Variants in CHRM2 observed in about 807,000 individuals in gnomAD.
CHRM2 encodes muscarinic acetylcholine receptor M2.
CHRM2 carries 8 observed loss-of-function variants against 25.0 expected under a neutral mutation model. That is an observed-to-expected ratio of 0.32 (90% CI 0.19 to 0.58). The LOEUF (loss-of-function observed/expected upper bound fraction) is 0.58, where lower values mean the gene tolerates loss of function less well. CHRM2 is among the 20% of genes least tolerant of loss of function. The probability of loss-of-function intolerance (pLI) is 0.88; values close to 1 mark genes in which losing one functional copy is unlikely to be tolerated. For synonymous variants in CHRM2, 202 were observed against 205.7 expected (o/e 0.98, Z 0.15); for missense variants, 440 against 567.1 (o/e 0.78, Z 2.28).
chr7:136,938,444 T>C, intron 2 of CHRM2: 2 of 1,271,374 alleles, frequency 1.6e-6, no homozygotes, highest in Non-Finnish European at 2.3e-6. Context: ...TTGAGGGTCT[T>C]GATCTGCTCC....
At chr7:136,898,249 G>A (rs780646913) in intron 2 of CHRM2, among the ~76,000 whole-genome samples, 41 of 151,852 alleles carry the variant, frequency 2.7e-4, no homozygotes, top group Admixed American at 4.6e-4. Flanking sequence ...ATGTACTTTG[G>A]GAATGAAAAA....
At chr7:136,885,692 G>A (rs1291226741) in intron 2 of CHRM2, among the ~76,000 whole-genome samples, 1 of 152,176 alleles carries the variant, frequency 6.6e-6, no homozygotes, top group African/African-American at 2.4e-5. Flanking sequence ...AGTCTGTCCT[G>A]AGAGATTAGA....
intron 2 of CHRM2, among the ~76,000 whole-genome samples, chr7:136,937,037 C>G (rs1799452611): frequency 6.6e-6 from 1 of 152,124 alleles, no homozygotes; most frequent in Non-Finnish European, 1.5e-5. Flanking sequence ...GTGATTTAAA[C>G]TAGGAGTACA....
At chr7:137,004,421 A>G (rs1804279569) in intron 3 of CHRM2, among the ~76,000 whole-genome samples, 1 of 152,118 alleles carries the variant, frequency 6.6e-6, no homozygotes, top group African/African-American at 2.4e-5. Context: ...TTTGGTAATT[A>G]TATCTCAGTC....
chr7:136,946,902 G>A (rs979885510), intron 2 of CHRM2, among the ~76,000 whole-genome samples: 1 of 152,178 alleles, frequency 6.6e-6, no homozygotes, highest in Non-Finnish European at 1.5e-5. Context: ...GTCACTGTCA[G>A]CATCTAGGTC....
chr7:136,974,512 A>T (rs911080386), intron 2 of CHRM2, among the ~76,000 whole-genome samples: 18 of 152,096 alleles, frequency 1.2e-4, no homozygotes, highest in African/African-American at 4.1e-4. Context: ...TGGAGGGAAA[A>T]TTTAAGTAGT....
intron 2 of CHRM2, among the ~76,000 whole-genome samples, chr7:136,968,833 G>A (rs923543677): frequency 5.9e-5 from 9 of 151,428 alleles, no homozygotes; most frequent in Non-Finnish European, 1.3e-4. Context: ...ATTATGCGGA[G>A]TGAAATAAGC....
Position 137,018,525 on chromosome 7 carries a change from CT to C in CHRM2, c.*2264del, listed in dbSNP as rs1479494068. On this transcript the variant is annotated 3_prime_UTR_variant, in exon 4 of 4. Coordinates refer to ENST00000680005, the MANE Select transcript of CHRM2 (RefSeq NM_001006630.2). ...GAGAATTGACTAGCCAAGTATTTCC[CT>C]TTTTAATGTATTGTATTATTATTAT... 1 of 151,906 alleles carries C rather than the reference CT, an allele frequency of 6.6e-6. No individual in the cohort carries two copies. The highest frequency in any genetic ancestry group is 1.5e-5 in the Non-Finnish European group (1 of 67,904). The allele number at this position is 151,906 out of a possible 1,614,324, so 9.4% of individuals were successfully genotyped here. A position where few individuals can be genotyped will look rare whatever the true frequency, so the allele number is the denominator to read the frequency against.
chr7:136,969,040 A>T (rs1801597061), intron 2 of CHRM2, among the ~76,000 whole-genome samples: 1 of 152,126 alleles, frequency 6.6e-6, no homozygotes, highest in African/African-American at 2.4e-5. Flanking sequence ...TAGAAACTAA[A>T]TCACATGAAG....
intron 2 of CHRM2, among the ~76,000 whole-genome samples, chr7:136,949,259 A>G (rs919049993): frequency 6.6e-6 from 1 of 152,100 alleles, no homozygotes; most frequent in Admixed American, 6.6e-5. Flanking sequence ...TTAAAAGATG[A>G]AGACACAGAA....
At chr7:136,979,238 A>C (rs1802317049) in intron 2 of CHRM2, among the ~76,000 whole-genome samples, 1 of 152,162 alleles carries the variant, frequency 6.6e-6, no homozygotes, top group African/African-American at 2.4e-5. Flanking sequence ...TTGGCTGCAT[A>C]AGTGTCTTCT....
chr7:136,912,720 C>T (rs903251899), intron 2 of CHRM2, among the ~76,000 whole-genome samples: 4 of 151,890 alleles, frequency 2.6e-5, no homozygotes, highest in African/African-American at 9.7e-5. Context: ...GAGCCTAAGA[C>T]ATCCTATAGA....
intron 2 of CHRM2, among the ~76,000 whole-genome samples, chr7:136,900,453 C>G (rs1054767900): frequency 6.6e-6 from 1 of 152,036 alleles, no homozygotes; most frequent in Non-Finnish European, 1.5e-5. Flanking sequence ...TAGCTTGGAG[C>G]AGCAGCATCT....
intron 2 of CHRM2, among the ~76,000 whole-genome samples, chr7:136,953,483 G>T (rs1800537007): frequency 1.3e-5 from 2 of 151,880 alleles, no homozygotes; most frequent in South Asian, 4.2e-4. Context: ...AATTTATTTT[G>T]TCTATCCTTA....
chr7:136,919,522 T>C (rs1798305839), intron 2 of CHRM2, among the ~76,000 whole-genome samples: 2 of 152,146 alleles, frequency 1.3e-5, no homozygotes, highest in Admixed American at 6.6e-5. Flanking sequence ...TTTAGAATTC[T>C]TCAATAACCT....
intron 2 of CHRM2, among the ~76,000 whole-genome samples, chr7:136,906,648 T>G (rs998948812): frequency 1.4e-4 from 22 of 151,890 alleles, no homozygotes; most frequent in Non-Finnish European, 5.9e-5. Context: ...TAGTTTTGTT[T>G]TAATAAACTT....
intron 2 of CHRM2, among the ~76,000 whole-genome samples, chr7:136,958,697 T>A (rs75958972): frequency 0.03 from 4,613 of 152,196 alleles, 237 homozygotes; most frequent in African/African-American, 0.11. Context: ...GCTAAAGCCA[T>A]CCACCTGCCT....
Position 137,017,885 on chromosome 7 carries a change from A to G in CHRM2, c.*1619A>G, listed in dbSNP as rs1235645964. On this transcript the variant is annotated 3_prime_UTR_variant, in exon 4 of 4. Coordinates refer to ENST00000680005, the MANE Select transcript of CHRM2 (RefSeq NM_001006630.2). ...TTTTTATTTGGTCGTCTAAATAAAT[A>G]TAGGATTAGGATTATACGGATTCAC... 3 of 151,950 alleles carry G rather than the reference A, an allele frequency of 2.0e-5. No homozygotes were observed. Among genetic ancestry groups the G allele is most frequent in the African/African-American group, 7.2e-5 (3 of 41,428 alleles). 9.4% of individuals were successfully genotyped at this position (151,950 alleles called of 1,614,324 possible).
intron 2 of CHRM2, among the ~76,000 whole-genome samples, chr7:136,970,069 C>T (rs1434384060): frequency 6.6e-6 from 1 of 152,038 alleles, no homozygotes; most frequent in Non-Finnish European, 1.5e-5. Context: ...ATGAAGCTTC[C>T]CTCTCATGAT....
Sources: gnomAD v4.1 joint callset for allele counts (sites outside exome capture counted in the v4.1 genomes callset) on GRCh38, gnomAD v4.1.1 for gene constraint, MANE v1.5 for transcripts, NCBI Gene and HGNC (gene_info 2026-07-23, HGNC 2026-07-21) for gene names.